The following FBXW2 variants were observed in gnomAD, a reference collection of about 807,000 sequenced individuals.
FBXW2 encodes the protein F-box/WD repeat-containing protein 2.
A neutral mutation model predicts 46.0 loss-of-function variants in FBXW2; 12 were observed. The observed-to-expected ratio is 0.26, with a 90% CI of 0.17 to 0.42. The LOEUF (loss-of-function observed/expected upper bound fraction) is 0.42, where lower values mean the gene tolerates loss of function less well. FBXW2 is among the 10% of genes least tolerant of loss of function. The probability of loss-of-function intolerance (pLI) is 1.00; values close to 1 mark genes in which losing one functional copy is unlikely to be tolerated. For synonymous variants in FBXW2, 203 were observed against 209.6 expected (o/e 0.97, Z 0.27); for missense variants, 360 against 537.0 (o/e 0.67, Z 3.26).
At chr9:120,776,392 TCTTA>T in intron 4 of FBXW2, 166 bp from the exon 5 acceptor site, 1 of 728,762 alleles carries the variant, frequency 1.4e-6, no homozygotes. Context: ...ATTTCAAAAT[TCTTA>T]CTATTATAGC....
chr9:120,777,379 C>G (rs2044519365), intron 4 of FBXW2, among the ~76,000 whole-genome samples: 1 of 152,194 alleles, frequency 6.6e-6, no homozygotes, highest in Non-Finnish European at 1.5e-5. Flanking sequence ...AGTTTTACTT[C>G]AAAGAATCAC....
chr9:120,779,092 T>C (rs1371557733), intron 3 of FBXW2, among the ~76,000 whole-genome samples: 1 of 152,176 alleles, frequency 6.6e-6, no homozygotes, highest in Non-Finnish European at 1.5e-5. Context: ...TTGAAATACG[T>C]GAAGGAAGAA....
At chr9:120,793,329 G>T (rs2044895708) in intron 1 of FBXW2, 25 bp downstream of exon 1, 1 of 428,526 alleles carries the variant, frequency 2.3e-6, no homozygotes, top group Admixed American at 4.2e-5. Context: ...TCCCCTCCCC[G>T]ACCGGCCCCG....
chr9:120,790,356 T>C (rs1165836680), intron 2 of FBXW2, among the ~76,000 whole-genome samples: 1 of 152,064 alleles, frequency 6.6e-6, no homozygotes, highest in Non-Finnish European at 1.5e-5. Flanking sequence ...TGGTGGTGGG[T>C]GCCTGTAGTC....
chr9:120,778,239 A>G, intron 4 of FBXW2, 112 bp downstream of exon 4: 1 of 893,100 alleles, frequency 1.1e-6, no homozygotes, highest in Non-Finnish European at 1.7e-6. Flanking sequence ...ACTAAGAAAG[A>G]GGGTTGAAAA....
intron 5 of FBXW2, 143 bp from the exon 6 acceptor site, chr9:120,772,983 T>A (rs2044411807): frequency 3.2e-6 from 2 of 633,720 alleles, no homozygotes; most frequent in Non-Finnish European, 5.5e-6. Flanking sequence ...TAACCTCTAC[T>A]AAAAGTTTTA....
At position 120,761,380 on chromosome 9, in the gene FBXW2, T is replaced by C. The variant is rs1404544929; in HGVS notation, c.*3179A>G. On this transcript the variant is annotated 3_prime_UTR_variant, in exon 8 of 8. Coordinates refer to ENST00000608872, the MANE Select transcript of FBXW2 (RefSeq NM_012164.4). Reference sequence around the variant, plus strand: ...GAAATCCAATCCTTGTAAGAAAGGATAGGGCTTATCTTCTCATGACTTAGA... The same window carrying C: ...GAAATCCAATCCTTGTAAGAAAGGACAGGGCTTATCTTCTCATGACTTAGA... 1 of 152,178 alleles carries C rather than the reference T, an allele frequency of 6.6e-6. No homozygotes were observed. The highest frequency in any genetic ancestry group is 1.5e-5 in the Non-Finnish European group (1 of 68,026). The allele number at this position is 152,178 out of a possible 1,614,324, so 9.4% of individuals were successfully genotyped here.
chr9:120,777,128 G>A (rs1047614095), intron 4 of FBXW2, among the ~76,000 whole-genome samples: 1 of 152,174 alleles, frequency 6.6e-6, no homozygotes, highest in Non-Finnish European at 1.5e-5. Context: ...CTAGGCAACA[G>A]TAATAAAAAT....
intron 2 of FBXW2, among the ~76,000 whole-genome samples, chr9:120,789,527 G>A (rs1361042432): frequency 2.6e-5 from 4 of 152,140 alleles, no homozygotes; most frequent in East Asian, 1.9e-4. Flanking sequence ...TGTGTACATA[G>A]GGATTTATTA....
intron 3 of FBXW2, among the ~76,000 whole-genome samples, chr9:120,784,885 C>T (rs374595864): frequency 2.5e-4 from 37 of 147,344 alleles, no homozygotes; most frequent in African/African-American, 8.8e-4. Flanking sequence ...TGCGCCACTG[C>T]ACTCTAGCCC....
At chr9:120,783,307 T>TC (rs1490804468) in intron 3 of FBXW2, among the ~76,000 whole-genome samples, 1 of 152,110 alleles carries the variant, frequency 6.6e-6, no homozygotes, top group Admixed American at 6.5e-5. Flanking sequence ...CCCTCTGGAC[T>TC]CCCATTTGCT....
intron 3 of FBXW2, among the ~76,000 whole-genome samples, chr9:120,783,821 G>A (rs191905012): frequency 3.3e-5 from 5 of 152,254 alleles, no homozygotes; most frequent in Admixed American, 1.3e-4. Context: ...AATAAATTGC[G>A]AAAGAGAAAG....
At chr9:120,770,645 C>G (rs1242054766) in intron 7 of FBXW2, among the ~76,000 whole-genome samples, 4 of 152,148 alleles carry the variant, frequency 2.6e-5, no homozygotes, top group Non-Finnish European at 5.9e-5. Flanking sequence ...TGAAATTGAG[C>G]TACAGAGGAG....
intron 3 of FBXW2, among the ~76,000 whole-genome samples, chr9:120,783,818 T>C (rs190085916): frequency 5.6e-4 from 85 of 152,300 alleles, no homozygotes; most frequent in African/African-American, 1.9e-3. Context: ...AGAAATAAAT[T>C]GCGAAAGAGA....
Position 120,776,040 on chromosome 9 carries a change from C to T in FBXW2, c.819+53G>A, listed in dbSNP as rs575909806. The stretch of plus-strand genomic sequence containing the variant: ...ATAAGGCAGTGTCTACCATCCTCCA[C>T]GCCCTCCCTCAAAAAGCCTGATAAG... On this transcript the variant is annotated intron_variant, in intron 5 of 7. Coordinates refer to ENST00000608872, the MANE Select transcript of FBXW2 (RefSeq NM_012164.4). 178 of 1,600,482 alleles carry T rather than the reference C, an allele frequency of 1.1e-4. 1 individual carries two copies. In the Admixed American group the frequency reaches 1.7e-3, roughly 15 times the overall value.
At chr9:120,773,365 G>C (rs1175850276) in intron 5 of FBXW2, among the ~76,000 whole-genome samples, 1 of 152,172 alleles carries the variant, frequency 6.6e-6, no homozygotes, top group East Asian at 1.9e-4. Context: ...ATAACTATGT[G>C]AATCATAAAT....
At chr9:120,787,620 G>C (rs958386774) in intron 3 of FBXW2, 149 bp downstream of exon 3, 25 of 707,432 alleles carry the variant, frequency 3.5e-5, no homozygotes, top group East Asian at 3.1e-4. Flanking sequence ...GAGGATAAGG[G>C]GGGGGAACCA....
At chr9:120,771,562 A>G (rs766402498) in intron 6 of FBXW2, 45 bp from the exon 7 acceptor site, 6 of 1,538,514 alleles carry the variant, frequency 3.9e-6, no homozygotes, top group Non-Finnish European at 5.3e-6. Context: ...TCACATCACT[A>G]CAGAAAAGCT....
chr9:120,778,499 C>T lies in FBXW2; in HGVS notation c.537G>A (p.Gln179=). ...SAKLWDVSTG[Q]CVYGIQTHTC... is the part of the protein sequence containing the mutation. Reference sequence around the variant, plus strand: ...TGTGGGTCTGGATGCCATAAACGCACTGCCCTGTGCTCACATCCCACAGCT... The same window carrying T: ...TGTGGGTCTGGATGCCATAAACGCATTGCCCTGTGCTCACATCCCACAGCT... Residue 179 remains glutamine, a synonymous_variant, in exon 4 of 8, where the codon CAG becomes CAA. Transcript: ENST00000608872. The T allele has an allele frequency of 2.5e-6, 4 of 1,614,180 alleles. No individual in the cohort carries two copies. Among genetic ancestry groups the T allele is most frequent in the Non-Finnish European group, 1.7e-6 (2 of 1,180,028 alleles).
Sources: allele counts gnomAD v4.1 joint callset (sites outside exome capture counted in the v4.1 genomes callset), GRCh38; gene constraint gnomAD v4.1.1; transcripts MANE v1.5; gene names NCBI Gene and HGNC (gene_info 2026-07-23, HGNC 2026-07-21).